PABPC4L: variants seen among roughly 807,000 people sequenced by gnomAD.
The protein encoded by PABPC4L is poly(A) binding protein cytoplasmic 4 like.
For missense variants in PABPC4L, 452 were observed against 451.4 expected (o/e 1.00, Z -0.01); for synonymous variants, 169 against 164.1 (o/e 1.03, Z -0.23).
chr4:134,091,476 C>A, the PABPC4L span, among the ~76,000 whole-genome samples: 4 of 151,680 alleles, frequency 2.6e-5, no homozygotes, highest in Non-Finnish European at 5.9e-5. Flanking sequence ...TCTCTATTAT[C>A]ATCTCATCTG....
the PABPC4L span, among the ~76,000 whole-genome samples, chr4:134,034,455 C>T: frequency 6.6e-6 from 1 of 152,050 alleles, no homozygotes; most frequent in East Asian, 1.9e-4. Context: ...AAGGCTACAG[C>T]TGCTATAGAG....
At chr4:134,112,600 ATCT>A in the PABPC4L span, among the ~76,000 whole-genome samples, 2 of 151,454 alleles carry the variant, frequency 1.3e-5, no homozygotes, top group Non-Finnish European at 2.9e-5. Context: ...CTATCTATCT[ATCT>A]ATCTATCTAT....
the PABPC4L span, among the ~76,000 whole-genome samples, chr4:134,109,424 A>G: frequency 6.6e-6 from 1 of 151,890 alleles, no homozygotes; most frequent in Non-Finnish European, 1.5e-5. Flanking sequence ...GAAGAAAAAA[A>G]TGAGAGAAAT....
At chr4:134,029,942 C>T in the PABPC4L span, among the ~76,000 whole-genome samples, 1 of 151,948 alleles carries the variant, frequency 6.6e-6, no homozygotes, top group South Asian at 2.1e-4. Context: ...AGTGAGTTCT[C>T]ATGAGATCTG....
chr4:134,127,013 C>T, the PABPC4L span, among the ~76,000 whole-genome samples: 1 of 152,004 alleles, frequency 6.6e-6, no homozygotes. Flanking sequence ...GCCGGCTTTC[C>T]CTGACTTTCC....
the PABPC4L span, among the ~76,000 whole-genome samples, chr4:134,184,269 CT>C: frequency 6.6e-6 from 1 of 151,940 alleles, no homozygotes. Flanking sequence ...AGTACTGAAT[CT>C]GCTGAATGTC....
chr4:133,982,008 G>C, the PABPC4L span, among the ~76,000 whole-genome samples: 1 of 151,772 alleles, frequency 6.6e-6, no homozygotes, highest in African/African-American at 2.4e-5. Context: ...ACATAAAAAA[G>C]GAAAATTTCA....
At chr4:133,978,442 T>C in the PABPC4L span, among the ~76,000 whole-genome samples, 881 of 152,192 alleles carry the variant, frequency 5.8e-3, 13 homozygotes, top group African/African-American at 0.02. Context: ...ACTTCATCTC[T>C]ACAAATAATA....
the PABPC4L span, among the ~76,000 whole-genome samples, chr4:134,157,940 G>A: frequency 1.3e-5 from 2 of 151,674 alleles, no homozygotes; most frequent in Non-Finnish European, 1.5e-5. Flanking sequence ...ATGTCATTAT[G>A]TGGTCACTTA....
the PABPC4L span, among the ~76,000 whole-genome samples, chr4:133,988,693 A>G: frequency 6.6e-6 from 1 of 152,090 alleles, no homozygotes; most frequent in Non-Finnish European, 1.5e-5. Context: ...TGGATCTACC[A>G]TTCTGGGGTC....
downstream of PABPC4L, among the ~76,000 whole-genome samples, chr4:134,194,625 G>A (rs563914126): frequency 1.3e-5 from 2 of 151,716 alleles, no homozygotes; most frequent in South Asian, 4.2e-4. Context: ...TTTTTTCTAG[G>A]AGGTAATTAA....
chr4:134,154,274 G>T, the PABPC4L span, among the ~76,000 whole-genome samples: 1 of 151,714 alleles, frequency 6.6e-6, no homozygotes, highest in Non-Finnish European at 1.5e-5. Flanking sequence ...TGGGCAACAC[G>T]CCAAAGCCTC....
chr4:134,161,517 T>G, the PABPC4L span, among the ~76,000 whole-genome samples: 4 of 152,032 alleles, frequency 2.6e-5, no homozygotes, highest in Non-Finnish European at 5.9e-5. Context: ...GGACAGATAT[T>G]TGAAATGGTG....
chr4:134,184,069 A>T, the PABPC4L span, among the ~76,000 whole-genome samples: 1 of 151,772 alleles, frequency 6.6e-6, no homozygotes, highest in Admixed American at 6.6e-5. Context: ...GAAGATTCCC[A>T]CTCTCTGAAA....
chr4:134,096,372 T>C, the PABPC4L span, among the ~76,000 whole-genome samples: 1 of 152,008 alleles, frequency 6.6e-6, no homozygotes, highest in Non-Finnish European at 1.5e-5. Context: ...GATAAATTAC[T>C]AGTTGTGCCT....
At chr4:134,021,680 C>T in the PABPC4L span, among the ~76,000 whole-genome samples, 1 of 152,244 alleles carries the variant, frequency 6.6e-6, no homozygotes, top group South Asian at 2.1e-4. Context: ...AAATAGTCTG[C>T]TCCTTCACAC....
the PABPC4L span, among the ~76,000 whole-genome samples, chr4:134,077,686 A>G: frequency 6.6e-6 from 1 of 151,936 alleles, no homozygotes; most frequent in Non-Finnish European, 1.5e-5. Flanking sequence ...TTTTTTGTCT[A>G]CCTCTGGCCT....
the PABPC4L span, among the ~76,000 whole-genome samples, chr4:133,981,477 A>T: frequency 6.6e-6 from 1 of 152,274 alleles, no homozygotes; most frequent in African/African-American, 2.4e-5. Flanking sequence ...AAATTGCATT[A>T]CTAATGTTAT....
At chr4:133,957,631 A>G in the PABPC4L span, among the ~76,000 whole-genome samples, 8 of 152,304 alleles carry the variant, frequency 5.3e-5, no homozygotes, top group East Asian at 1.4e-3. Flanking sequence ...CTCTTTCTGC[A>G]CTGCCCCAGC....
Sources: gnomAD v4.1 joint callset for allele counts (sites outside exome capture counted in the v4.1 genomes callset) on GRCh38, gnomAD v4.1.1 for gene constraint, MANE v1.5 for transcripts, NCBI Gene and HGNC (gene_info 2026-07-23, HGNC 2026-07-21) for gene names.